The following ARHGAP6 variants were observed in gnomAD, a reference collection of about 807,000 sequenced individuals.
ARHGAP6 encodes Rho GTPase activating protein 6, also known as rho GTPase-activating protein 6.
ARHGAP6 carries 16 observed loss-of-function variants against 55.7 expected under a neutral mutation model. The ratio of observed to expected loss-of-function variants is 0.29; its 90% confidence interval spans 0.19 to 0.44. The LOEUF (loss-of-function observed/expected upper bound fraction) is 0.44, where lower values mean the gene tolerates loss of function less well. Ranked by LOEUF, ARHGAP6 falls within the 20% of genes least tolerant of loss-of-function variation. The pLI is 1.00. For synonymous variants in ARHGAP6, 382 were observed against 360.9 expected, an observed-to-expected ratio of 1.06 and a Z score of -0.66; for missense variants, 698 against 808.9, an observed-to-expected ratio of 0.86 and a Z score of 1.66.
At chrX:11,149,592 T>G (rs895304273) in intron 10 of ARHGAP6, among the ~76,000 whole-genome samples, 21 of 111,662 alleles carry the variant, frequency 1.9e-4, no homozygotes, top group African/African-American at 6.5e-4. Flanking sequence ...GTCTGAAAAT[T>G]TCCTGAAACC....
intron 1 of ARHGAP6, among the ~76,000 whole-genome samples, chrX:11,482,997 A>AT: frequency 9.1e-6 from 1 of 110,159 alleles, no homozygotes; most frequent in Non-Finnish European, 1.9e-5. Context: ...TTCCTCTACC[A>AT]TTTTTTCCCA....
chrX:11,651,332 C>A (rs1052240601), intron 1 of ARHGAP6, among the ~76,000 whole-genome samples: 2 of 111,483 alleles, frequency 1.8e-5, no homozygotes, highest in African/African-American at 6.5e-5. Flanking sequence ...TTGTTCCCTT[C>A]TTTGTGTCCA....
At chrX:11,377,399 G>A (rs2049213668) in intron 1 of ARHGAP6, among the ~76,000 whole-genome samples, 1 of 112,114 alleles carries the variant, frequency 8.9e-6, no homozygotes, top group African/African-American at 3.2e-5. Flanking sequence ...AGGGCTGGTG[G>A]GTGATGGGGA....
intron 1 of ARHGAP6, among the ~76,000 whole-genome samples, chrX:11,593,960 T>C (rs899866563): frequency 1.5e-4 from 17 of 112,319 alleles, no homozygotes; most frequent in Admixed American, 7.5e-4. Flanking sequence ...AATCAAACAT[T>C]GGGCCTCTCT....
chrX:11,290,147 C>G (rs1210177530), intron 1 of ARHGAP6, among the ~76,000 whole-genome samples: 2 of 111,788 alleles, frequency 1.8e-5, no homozygotes, highest in Non-Finnish European at 3.8e-5. Flanking sequence ...GTCATTTGCA[C>G]AGAAGTCCAC....
intron 1 of ARHGAP6, among the ~76,000 whole-genome samples, chrX:11,388,182 T>C (rs1314568910): frequency 1.8e-5 from 2 of 111,996 alleles, no homozygotes; most frequent in African/African-American, 6.5e-5. Context: ...AGTGTAAAAG[T>C]GTTCCTATTT....
intron 1 of ARHGAP6, among the ~76,000 whole-genome samples, chrX:11,275,087 C>T (rs892012722): frequency 1.3e-4 from 14 of 111,269 alleles, no homozygotes; most frequent in South Asian, 3.8e-4. Context: ...CCACTATGGC[C>T]GGCCTGAGAA....
chrX:11,584,510 C>T lies in ARHGAP6; in HGVS notation c.588+79731G>A, dbSNP rs141851867. 5.5e-3 allele frequency among the ~76,000 whole-genome samples: 618 copies of T among 111,852 alleles called. 2 individuals carry two copies. Among genetic ancestry groups the T allele is most frequent in the African/African-American group, 0.019 (590 of 30,813 alleles). ...ACCTAATCCCTTGGGTATTCATCCT[C>T]ATGCTCTCAAGTGTTTATCAACCCC... On this transcript the variant is annotated intron_variant, in intron 1 of 12. Transcript: ENST00000337414.
chrX:11,426,224 G>A (rs2049877778), intron 1 of ARHGAP6, among the ~76,000 whole-genome samples: 1 of 111,535 alleles, frequency 9.0e-6, no homozygotes, highest in African/African-American at 3.3e-5. Context: ...CGAAGTGTAC[G>A]AGGTGTGCAA....
intron 2 of ARHGAP6, among the ~76,000 whole-genome samples, chrX:11,247,445 T>C (rs903811714): frequency 5.3e-5 from 6 of 112,506 alleles, no homozygotes; most frequent in Non-Finnish European, 9.4e-5. Context: ...GAATAAGTTA[T>C]TTTCTTTCAT....
intron 1 of ARHGAP6, among the ~76,000 whole-genome samples, chrX:11,354,323 C>CTATATATATA (rs1555997400): frequency 2.1e-4 from 12 of 57,103 alleles, no homozygotes; most frequent in African/African-American, 2.9e-4. Flanking sequence ...CTCTCTCTCT[C>CTATATATATA]TCTCTATATA....
At chrX:11,222,867 C>A (rs1414714232) in intron 2 of ARHGAP6, among the ~76,000 whole-genome samples, 3 of 111,949 alleles carry the variant, frequency 2.7e-5, no homozygotes, top group Non-Finnish European at 5.7e-5. Flanking sequence ...GTTTGTTACC[C>A]TTTCTGCACA....
intron 1 of ARHGAP6, among the ~76,000 whole-genome samples, chrX:11,646,696 G>T (rs1428896621): frequency 9.0e-6 from 1 of 111,672 alleles, no homozygotes; most frequent in Non-Finnish European, 1.9e-5. Flanking sequence ...ACTGGGGAGA[G>T]AAATAACAAT....
At chrX:11,304,894 C>T (rs760620064) in intron 1 of ARHGAP6, among the ~76,000 whole-genome samples, 1 of 100,079 alleles carries the variant, frequency 1.0e-5, no homozygotes, top group South Asian at 5.1e-4. Context: ...TCAAGCGATT[C>T]CCCTGCCTCA....
intron 1 of ARHGAP6, among the ~76,000 whole-genome samples, chrX:11,350,133 G>A (rs772964031): frequency 1.8e-5 from 2 of 111,568 alleles, no homozygotes; most frequent in Non-Finnish European, 3.8e-5. Flanking sequence ...CTGGGCTCCA[G>A]TTCCCTTTTC....
intron 1 of ARHGAP6, among the ~76,000 whole-genome samples, chrX:11,505,068 G>A (rs1024295687): frequency 9.0e-6 from 1 of 110,725 alleles, no homozygotes; most frequent in African/African-American, 3.3e-5. Flanking sequence ...CATAATGAAG[G>A]AAGGCGCAAC....
chrX:11,576,466 A>C (rs2051600107), intron 1 of ARHGAP6, among the ~76,000 whole-genome samples: 1 of 112,012 alleles, frequency 8.9e-6, no homozygotes, highest in Non-Finnish European at 1.9e-5. Context: ...CACTGTTAGA[A>C]TGTAAGCTCT....
At chrX:11,262,916 A>C (rs907386276) in intron 1 of ARHGAP6, among the ~76,000 whole-genome samples, 14 of 111,374 alleles carry the variant, frequency 1.3e-4, no homozygotes, top group Admixed American at 2.9e-4. Context: ...GGATAATATC[A>C]GACAATACAA....
At chrX:11,414,609 T>A (rs1013682691) in intron 1 of ARHGAP6, among the ~76,000 whole-genome samples, 1 of 110,803 alleles carries the variant, frequency 9.0e-6, no homozygotes, top group African/African-American at 3.3e-5. Context: ...GAGGAAGATA[T>A]GGTGAAGGTG....
Sources: allele counts gnomAD v4.1 joint callset (sites outside exome capture counted in the v4.1 genomes callset), GRCh38; gene constraint gnomAD v4.1.1; transcripts MANE v1.5; gene names NCBI Gene and HGNC (gene_info 2026-07-23, HGNC 2026-07-21).